The following CDH10 variants were observed in gnomAD, a reference collection of about 807,000 sequenced individuals.
CDH10 encodes the protein cadherin 10.
Under a neutral mutation model 73.1 loss-of-function variants are expected in CDH10, and 30 were observed. The observed-to-expected ratio is 0.41, with a 90% CI of 0.31 to 0.56. CDH10 has a LOEUF of 0.56. CDH10 is among the 20% of genes least tolerant of loss of function. The pLI, the probability that CDH10 is intolerant of heterozygous loss-of-function variation, is 0.27. For missense variants in CDH10, 815 were observed against 973.7 expected (o/e 0.84, Z 2.17); for synonymous variants, 345 against 348.2 (o/e 0.99, Z 0.10).
intron 1 of CDH10, among the ~76,000 whole-genome samples, chr5:24,602,441 G>T (rs1746598093): frequency 6.6e-6 from 1 of 152,122 alleles, no homozygotes; most frequent in South Asian, 2.1e-4. Flanking sequence ...GTGCTGCTCA[G>T]CATTTCCTGT....
intron 5 of CDH10, among the ~76,000 whole-genome samples, chr5:24,529,218 T>A (rs1423929609): frequency 1.1e-4 from 16 of 151,986 alleles, no homozygotes; most frequent in Admixed American, 1.1e-3. Flanking sequence ...TACAATGGCA[T>A]TCAGACAAAA....
intron 9 of CDH10, 32 bp downstream of exon 9, chr5:24,498,366 C>G (rs2111682305): frequency 6.6e-7 from 1 of 1,504,194 alleles, no homozygotes; most frequent in South Asian, 1.2e-5. Flanking sequence ...CAGTTAAAAT[C>G]TTTCCAGAGT....
chr5:24,574,437 C>T (rs1745520726), intron 2 of CDH10, among the ~76,000 whole-genome samples: 2 of 151,936 alleles, frequency 1.3e-5, no homozygotes, highest in Admixed American at 1.3e-4. Context: ...AGGATATTGG[C>T]CAAAATAGAT....
At chr5:24,589,033 CAA>C (rs1315130982) in intron 2 of CDH10, among the ~76,000 whole-genome samples, 1 of 152,084 alleles carries the variant, frequency 6.6e-6, no homozygotes, top group African/African-American at 2.4e-5. Flanking sequence ...ATATCTGAAA[CAA>C]AAGGGCCCCA....
intron 7 of CDH10, 119 bp downstream of exon 7, chr5:24,509,447 G>A: frequency 2.6e-6 from 2 of 772,986 alleles, no homozygotes; most frequent in Non-Finnish European, 2.1e-6. Flanking sequence ...CACCATGTTG[G>A]CCAGGCTGGT....
intron 6 of CDH10, among the ~76,000 whole-genome samples, chr5:24,510,952 G>A (rs1391938401): frequency 6.6e-6 from 1 of 152,112 alleles, no homozygotes; most frequent in Non-Finnish European, 1.5e-5. Flanking sequence ...CTGGATAGAT[G>A]GCATTGGACT....
At chr5:24,527,017 C>T (rs1371081008) in intron 5 of CDH10, among the ~76,000 whole-genome samples, 1 of 151,480 alleles carries the variant, frequency 6.6e-6, no homozygotes, top group African/African-American at 2.4e-5. Flanking sequence ...CTGGAAAATT[C>T]TTATTCATTT....
intron 1 of CDH10, among the ~76,000 whole-genome samples, chr5:24,600,555 A>T (rs1468826662): frequency 6.6e-6 from 1 of 152,052 alleles, no homozygotes; most frequent in African/African-American, 2.4e-5. Flanking sequence ...GGAGGAAACC[A>T]CATCCTACCT....
At chr5:24,577,082 A>C (rs1189651523) in intron 2 of CDH10, among the ~76,000 whole-genome samples, 3 of 124,184 alleles carry the variant, frequency 2.4e-5, no homozygotes, top group South Asian at 2.7e-4. Context: ...TATTTAAAAA[A>C]AAAAAACCAA....
chr5:24,634,365 G>T (rs1747802695), intron 1 of CDH10, among the ~76,000 whole-genome samples: 1 of 151,756 alleles, frequency 6.6e-6, no homozygotes, highest in African/African-American at 2.4e-5. Context: ...TTTAGCCTTT[G>T]TAAAGTCCAA....
intron 1 of CDH10, among the ~76,000 whole-genome samples, chr5:24,633,368 G>T (rs1747764354): frequency 6.6e-6 from 1 of 151,774 alleles, no homozygotes; most frequent in Admixed American, 6.6e-5. Context: ...AAGTAAAAAT[G>T]AATTGTTTTA....
chr5:24,643,631 T>G, intron 1 of CDH10, among the ~76,000 whole-genome samples: 1 of 152,078 alleles, frequency 6.6e-6, no homozygotes, highest in East Asian at 1.9e-4. Flanking sequence ...AATGAAGGAA[T>G]GAAGGACCAC....
rs369887381 is a variant in CDH10 at position 24,487,657 on chromosome 5, C to G, written c.*6G>C. The G allele has an allele frequency of 6.2e-7, 1 of 1,605,536 alleles. No individual in the cohort carries two copies. The highest frequency in any genetic ancestry group is 8.5e-7 in the Non-Finnish European group (1 of 1,175,504). Reference sequence around the variant, plus strand: ...TCTCTTGTTTGAACAGAACATATATCCTACGTTAAGAGTCTTTGTCACTTT... The same window carrying G: ...TCTCTTGTTTGAACAGAACATATATGCTACGTTAAGAGTCTTTGTCACTTT... On this transcript the variant is annotated 3_prime_UTR_variant, in exon 12 of 12. Transcript: ENST00000264463.
At chr5:24,605,002 TC>T (rs776966951) in intron 1 of CDH10, among the ~76,000 whole-genome samples, 57 of 151,966 alleles carry the variant, frequency 3.8e-4, no homozygotes, top group Admixed American at 6.6e-4. Context: ...TTGCCAAATC[TC>T]CATAAATGAA....
At chr5:24,579,749 T>C (rs1280527900) in intron 2 of CDH10, among the ~76,000 whole-genome samples, 1 of 152,182 alleles carries the variant, frequency 6.6e-6, no homozygotes, top group African/African-American at 2.4e-5. Flanking sequence ...GTTTCATTCA[T>C]TGTTTTTTCT....
intron 1 of CDH10, among the ~76,000 whole-genome samples, chr5:24,639,041 A>G (rs1747957438): frequency 6.6e-6 from 1 of 151,634 alleles, no homozygotes; most frequent in Non-Finnish European, 1.5e-5. Context: ...TGATAAATAC[A>G]CTTTAGAGGT....
Position 24,523,990 on chromosome 5 carries a change from C to T in CDH10, c.814+11122G>A, listed in dbSNP as rs565272912. On this transcript the variant is annotated intron_variant, in intron 5 of 11. Transcript: ENST00000264463. The stretch of plus-strand genomic sequence containing the variant: ...GGTTGTGTGTGTGTGCATGAATGCA[C>T]ATAAGTACATTAATTTTTTTCTAAA... Among the ~76,000 whole-genome samples, 127 of 152,134 alleles carry T rather than the reference C, an allele frequency of 8.3e-4. 2 individuals carry two copies. Among genetic ancestry groups the T allele is most frequent in the African/African-American group, 2.9e-3 (122 of 41,530 alleles).
chr5:24,541,920 C>A (rs2111913985), intron 2 of CDH10, among the ~76,000 whole-genome samples: 1 of 151,970 alleles, frequency 6.6e-6, no homozygotes, highest in East Asian at 1.9e-4. Flanking sequence ...AGTCATTTTC[C>A]CATTGTTTAA....
intron 5 of CDH10, among the ~76,000 whole-genome samples, chr5:24,512,082 C>T (rs544115022): frequency 1.3e-5 from 2 of 152,100 alleles, no homozygotes; most frequent in African/African-American, 2.4e-5. Context: ...GTACAACAAA[C>T]CCCCGTGACA....
Sources: allele counts gnomAD v4.1 joint callset (sites outside exome capture counted in the v4.1 genomes callset), GRCh38; gene constraint gnomAD v4.1.1; transcripts MANE v1.5; gene names NCBI Gene and HGNC (gene_info 2026-07-23, HGNC 2026-07-21).